Variants in ULK4 observed in about 807,000 individuals in gnomAD.
ULK4 encodes unc-51 like kinase 4, also known as inactive serine/threonine-protein kinase ULK4.
In ULK4, 133 loss-of-function variants were observed where a neutral mutation model predicts 160.6. The observed-to-expected ratio is 0.83, with a 90% CI of 0.72 to 0.96. The LOEUF (loss-of-function observed/expected upper bound fraction) is 0.96. ULK4 is among the 40% of genes least tolerant of loss of function. The probability of loss-of-function intolerance (pLI) is 0.00; values close to 1 mark genes in which losing one functional copy is unlikely to be tolerated. For synonymous variants in ULK4, 534 were observed against 539.8 expected, an observed-to-expected ratio of 0.99 and a Z score of 0.15; for missense variants, 1,580 against 1,499.5, an observed-to-expected ratio of 1.05 and a Z score of -0.89.
intron 35 of ULK4, among the ~76,000 whole-genome samples, chr3:41,379,863 G>T (rs1420502566): frequency 6.6e-6 from 1 of 152,110 alleles, no homozygotes; most frequent in East Asian, 1.9e-4. Context: ...ATGCTAAATG[G>T]GTAGTGAGAG....
chr3:41,402,142 C>G (rs1228977269), intron 34 of ULK4, among the ~76,000 whole-genome samples: 1 of 152,094 alleles, frequency 6.6e-6, no homozygotes, highest in Non-Finnish European at 1.5e-5. Flanking sequence ...TGAGGTATAA[C>G]TGATATACAA....
Position 41,343,918 on chromosome 3 carries a change from A to G in ULK4, c.3678+54161T>C, listed in dbSNP as rs147740296. On this transcript the variant is annotated intron_variant, in intron 35 of 36. Transcript: ENST00000301831. ...AAGAATCAATATTGTGAAAATGGCC[A>G]TCTCAATGCAATTCCCATTAAATTA... Among the ~76,000 whole-genome samples, 5 of 152,176 alleles carry G rather than the reference A, an allele frequency of 3.3e-5. No individual in the cohort carries two copies. In the East Asian group the frequency reaches 9.7e-4, roughly 29 times the overall value.
intron 35 of ULK4, among the ~76,000 whole-genome samples, chr3:41,325,384 T>C (rs1210705427): frequency 6.6e-6 from 1 of 152,214 alleles, no homozygotes; most frequent in Non-Finnish European, 1.5e-5. Flanking sequence ...CTTCACTGGT[T>C]TCCTAAAAGA....
intron 32 of ULK4, among the ~76,000 whole-genome samples, chr3:41,532,976 A>G (rs902588096): frequency 2.6e-5 from 4 of 152,244 alleles, no homozygotes; most frequent in South Asian, 2.1e-4. Flanking sequence ...TGAAATTAAC[A>G]TGAGATTTCC....
At chr3:41,705,506 T>A (rs1036415571) in intron 25 of ULK4, among the ~76,000 whole-genome samples, 1 of 152,064 alleles carries the variant, frequency 6.6e-6, no homozygotes, top group Non-Finnish European at 1.5e-5. Context: ...TAATCTCTTT[T>A]TTTTTTTGAG....
At chr3:41,599,953 T>C (rs2031957464) in intron 31 of ULK4, among the ~76,000 whole-genome samples, 1 of 152,232 alleles carries the variant, frequency 6.6e-6, no homozygotes, top group East Asian at 1.9e-4. Flanking sequence ...TATTGCTTAA[T>C]ATCTACAAAA....
At chr3:41,876,165 A>G (rs1309830686) in intron 17 of ULK4, among the ~76,000 whole-genome samples, 2 of 134,482 alleles carry the variant, frequency 1.5e-5, no homozygotes, top group Non-Finnish European at 1.5e-5. Flanking sequence ...GAAAAAATAG[A>G]GGAACAATTC....
At chr3:41,368,394 C>T (rs1463696977) in intron 35 of ULK4, among the ~76,000 whole-genome samples, 1 of 152,120 alleles carries the variant, frequency 6.6e-6, no homozygotes, top group Non-Finnish European at 1.5e-5. Flanking sequence ...CCATAAAATT[C>T]ACCATTTTAA....
intron 35 of ULK4, among the ~76,000 whole-genome samples, chr3:41,323,958 T>C (rs969624598): frequency 6.6e-6 from 1 of 152,200 alleles, no homozygotes; most frequent in African/African-American, 2.4e-5. Context: ...TGCACCTGGT[T>C]ATCTTCAGCT....
chr3:41,912,816 A>C lies in ULK4; in HGVS notation c.887T>G (p.Leu296Arg). Residue 296 changes from leucine (L) to arginine (R), a missense_variant, in exon 9 of 37, where the codon CTC becomes CGC. Coordinates refer to ENST00000301831, the MANE Select transcript of ULK4 (RefSeq NM_017886.4). ...GADQESSVEDLSLSRNTMECS... is the reference protein window; with the variant it reads ...GADQESSVEDRSLSRNTMECS... ...GGTAAGTGTATACTACCTGAGACTG[A>C]GATCTTCGACGCTTGATTCCTGATC... is the stretch of plus-strand genomic sequence containing the variant. 1 of 1,614,074 alleles carries C rather than the reference A, an allele frequency of 6.2e-7. No individual in the cohort carries two copies. Among genetic ancestry groups the C allele is most frequent in the Non-Finnish European group, 8.5e-7 (1 of 1,179,956 alleles).
At chr3:41,856,907 TAAAAC>T (rs140798141) in intron 17 of ULK4, among the ~76,000 whole-genome samples, 5 of 151,226 alleles carry the variant, frequency 3.3e-5, no homozygotes, top group Non-Finnish European at 5.9e-5. Flanking sequence ...AGACCTTGTA[TAAAAC>T]AAAACAAAAC....
At chr3:41,281,893 T>G (rs2079362103) in intron 35 of ULK4, among the ~76,000 whole-genome samples, 1 of 152,330 alleles carries the variant, frequency 6.6e-6, no homozygotes, top group East Asian at 1.9e-4. Flanking sequence ...ATTGTATATT[T>G]AGAAAACCCC....
intron 6 of ULK4, 129 bp downstream of exon 6, chr3:41,919,588 C>T (rs181162965): frequency 3.5e-5 from 26 of 748,410 alleles, no homozygotes; most frequent in East Asian, 1.5e-4. Flanking sequence ...GGTGACAGTA[C>T]GAGACTCTGT....
intron 14 of ULK4, among the ~76,000 whole-genome samples, chr3:41,897,859 G>T (rs540777470): frequency 1.3e-5 from 2 of 152,148 alleles, no homozygotes; most frequent in African/African-American, 4.8e-5. Flanking sequence ...CCCAAATCGA[G>T]TTTAACAGCT....
intron 31 of ULK4, among the ~76,000 whole-genome samples, chr3:41,597,108 T>C (rs1436475899): frequency 6.6e-6 from 1 of 152,168 alleles, no homozygotes; most frequent in Admixed American, 6.5e-5. Context: ...AGTAAAGTCC[T>C]GTGAGGACCC....
intron 35 of ULK4, among the ~76,000 whole-genome samples, chr3:41,359,021 G>A (rs2081080179): frequency 6.6e-6 from 1 of 152,200 alleles, no homozygotes; most frequent in Non-Finnish European, 1.5e-5. Context: ...ACGGGGTGGA[G>A]TGTGAGAGAG....
chr3:41,938,113 C>T lies in ULK4; in HGVS notation c.223G>A (p.Val75Met). 2 of 1,612,360 alleles carry T rather than the reference C, an allele frequency of 1.2e-6. No homozygotes were observed. Among genetic ancestry groups the T allele is most frequent in the Non-Finnish European group, 1.7e-6 (2 of 1,179,076 alleles). ...TCTTTCTTACCTGTGCAGAGTTCCA[C>T]CACTAGCCAGAGGTGGTTGCTTGTT... is the stretch of plus-strand genomic sequence containing the variant. ...YETSNHLWLVVELCTGGSLKT... is the reference protein window; with the variant it reads ...YETSNHLWLVMELCTGGSLKT... The change falls in exon 3 of 37, where the codon GTG (valine) becomes ATG (methionine). Residue 75 changes from valine to methionine, a missense_variant. Coordinates refer to ENST00000301831, the MANE Select transcript of ULK4 (RefSeq NM_017886.4).
chr3:41,892,397 A>C (rs1697998439), intron 16 of ULK4, among the ~76,000 whole-genome samples: 1 of 152,246 alleles, frequency 6.6e-6, no homozygotes, highest in African/African-American at 2.4e-5. Context: ...GAAAACACTA[A>C]TGTTCACAGC....
intron 32 of ULK4, among the ~76,000 whole-genome samples, chr3:41,468,116 G>C (rs1030141862): frequency 6.6e-6 from 1 of 152,118 alleles, no homozygotes; most frequent in Non-Finnish European, 1.5e-5. Flanking sequence ...TGAGTTTCTA[G>C]GTAATTTTAA....
Sources: gnomAD v4.1 joint callset for allele counts (sites outside exome capture counted in the v4.1 genomes callset) on GRCh38, gnomAD v4.1.1 for gene constraint, MANE v1.5 for transcripts, NCBI Gene and HGNC (gene_info 2026-07-23, HGNC 2026-07-21) for gene names.